The following FHIT variants were observed in gnomAD, a reference collection of about 807,000 sequenced individuals.
FHIT encodes bis(5'-adenosyl)-triphosphatase.
Under a neutral mutation model 17.9 loss-of-function variants are expected in FHIT, and 19 were observed. The ratio of observed to expected loss-of-function variants is 1.06; its 90% confidence interval spans 0.74 to 1.56. The LOEUF (loss-of-function observed/expected upper bound fraction) is 1.56. Among genes scored for constraint, FHIT ranks in the 40% most tolerant of loss-of-function variants. The probability of loss-of-function intolerance (pLI) is 0.00; values close to 1 mark genes in which losing one functional copy is unlikely to be tolerated. For missense variants in FHIT, 248 were observed against 189.2 expected, an observed-to-expected ratio of 1.31 and a Z score of -1.82; for synonymous variants, 81 against 69.7, an observed-to-expected ratio of 1.16 and a Z score of -0.81.
At chr3:60,591,420 A>G (rs1302889298) in intron 4 of FHIT, among the ~76,000 whole-genome samples, 1 of 152,074 alleles carries the variant, frequency 6.6e-6, no homozygotes, top group African/African-American at 2.4e-5. Flanking sequence ...CTTGGTGTTT[A>G]CATTATTTGA....
chr3:60,171,361 G>T (rs771910950), intron 5 of FHIT, among the ~76,000 whole-genome samples: 59 of 152,092 alleles, frequency 3.9e-4, no homozygotes, highest in Non-Finnish European at 6.6e-4. Context: ...ATGTGTACTT[G>T]GAGCCTTTGG....
intron 5 of FHIT, among the ~76,000 whole-genome samples, chr3:60,301,825 T>C (rs1708469047): frequency 6.6e-6 from 1 of 152,156 alleles, no homozygotes; most frequent in Admixed American, 6.6e-5. Context: ...AGATTACTCT[T>C]ATTTTTCTGT....
intron 2 of FHIT, among the ~76,000 whole-genome samples, chr3:61,111,100 G>C (rs1392242572): frequency 2.0e-5 from 3 of 152,144 alleles, no homozygotes; most frequent in Admixed American, 2.0e-4. Flanking sequence ...TACATTCTAA[G>C]ATTTAGCATG....
At chr3:61,237,107 T>G (rs547225245) in intron 1 of FHIT, among the ~76,000 whole-genome samples, 1 of 152,344 alleles carries the variant, frequency 6.6e-6, no homozygotes, top group East Asian at 1.9e-4. Flanking sequence ...TCTGATTAAA[T>G]GTACATCCAT....
At chr3:60,101,767 G>A (rs750732117) in intron 5 of FHIT, among the ~76,000 whole-genome samples, 3 of 152,114 alleles carry the variant, frequency 2.0e-5, no homozygotes, top group Non-Finnish European at 4.4e-5. Flanking sequence ...CACATTCCAA[G>A]GTCTGTCATT....
chr3:60,515,047 G>A (rs1360709372), intron 5 of FHIT, among the ~76,000 whole-genome samples: 1 of 151,984 alleles, frequency 6.6e-6, no homozygotes, highest in African/African-American at 2.4e-5. Context: ...GACAGACAAG[G>A]TGAGGCAGGC....
Position 60,090,219 on chromosome 3 carries a change from A to G in FHIT, c.104-76067T>C, listed in dbSNP as rs77820433. On this transcript the variant is annotated intron_variant, in intron 5 of 9. Coordinates refer to ENST00000492590, the MANE Select transcript of FHIT (RefSeq NM_002012.4). Reference sequence around the variant, plus strand: ...AACTTAACCTCTCACTAAGTGCCCAACCAAAGAGACTGCATGGTTTCCCAG... The same window carrying G: ...AACTTAACCTCTCACTAAGTGCCCAGCCAAAGAGACTGCATGGTTTCCCAG... Among the ~76,000 whole-genome samples, 1,562 of 152,178 alleles carry G rather than the reference A, an allele frequency of 0.01. 52 individuals are homozygous for G. In the East Asian group the frequency reaches 0.11, roughly 11 times the overall value.
chr3:60,059,977 AGTT>A (rs1039003308), intron 5 of FHIT, among the ~76,000 whole-genome samples: 10 of 152,282 alleles, frequency 6.6e-5, no homozygotes, highest in South Asian at 4.1e-4. Context: ...GTGCTCCATG[AGTT>A]GTTGTTTTTT....
chr3:61,175,111 T>C (rs1191394387), intron 2 of FHIT, among the ~76,000 whole-genome samples: 2 of 152,172 alleles, frequency 1.3e-5, no homozygotes, highest in African/African-American at 2.4e-5. Flanking sequence ...CATGCTCTTA[T>C]TGTGGCAGAA....
At chr3:61,043,646 G>A (rs768407011) in intron 2 of FHIT, among the ~76,000 whole-genome samples, 5 of 152,188 alleles carry the variant, frequency 3.3e-5, no homozygotes, top group Non-Finnish European at 7.3e-5. Context: ...TCCCACCATG[G>A]AGTTTGACAT....
intron 7 of FHIT, among the ~76,000 whole-genome samples, chr3:59,989,582 G>A (rs971946005): frequency 4.6e-5 from 7 of 152,014 alleles, no homozygotes; most frequent in Non-Finnish European, 7.4e-5. Flanking sequence ...TATAAAGAAC[G>A]TTCTATTTTG....
At chr3:60,074,867 G>C (rs1398478395) in intron 5 of FHIT, among the ~76,000 whole-genome samples, 1 of 152,012 alleles carries the variant, frequency 6.6e-6, no homozygotes, top group Admixed American at 6.6e-5. Flanking sequence ...GTGTACATTT[G>C]CACTAGTTGG....
intron 5 of FHIT, among the ~76,000 whole-genome samples, chr3:60,093,894 C>T (rs1169773044): frequency 6.6e-6 from 1 of 152,150 alleles, no homozygotes; most frequent in Non-Finnish European, 1.5e-5. Flanking sequence ...TTGCCTACTA[C>T]AGGCATCAAT....
At chr3:60,460,690 T>C (rs2032406394) in intron 5 of FHIT, among the ~76,000 whole-genome samples, 1 of 152,192 alleles carries the variant, frequency 6.6e-6, no homozygotes, top group African/African-American at 2.4e-5. Flanking sequence ...TCACCCCACA[T>C]GTGCTGTGAT....
chr3:60,626,581 TTA>T (rs1399980378), intron 4 of FHIT, among the ~76,000 whole-genome samples: 8 of 152,106 alleles, frequency 5.3e-5, no homozygotes, highest in Non-Finnish European at 1.0e-4. Flanking sequence ...CTCAACTTGT[TTA>T]TTTCTGATAG....
chr3:61,062,322 C>T (rs537104857), intron 2 of FHIT, among the ~76,000 whole-genome samples: 1 of 152,130 alleles, frequency 6.6e-6, no homozygotes, highest in East Asian at 1.9e-4. Flanking sequence ...CCCTAAGAGT[C>T]CCTTAACCTA....
At chr3:59,929,340 A>G (rs1705837521) in intron 7 of FHIT, among the ~76,000 whole-genome samples, 1 of 149,786 alleles carries the variant, frequency 6.7e-6, no homozygotes, top group South Asian at 2.1e-4. Flanking sequence ...AAGACTCAGA[A>G]ATCTTCACGT....
chr3:60,091,305 T>C (rs941782469), intron 5 of FHIT, among the ~76,000 whole-genome samples: 1 of 152,192 alleles, frequency 6.6e-6, no homozygotes, highest in Non-Finnish European at 1.5e-5. Flanking sequence ...GAAGAAGATT[T>C]ATAAAGAGGA....
At chr3:59,857,376 A>T (rs1702202169) in intron 8 of FHIT, among the ~76,000 whole-genome samples, 1 of 151,916 alleles carries the variant, frequency 6.6e-6, no homozygotes, top group South Asian at 2.1e-4. Context: ...TTTTTTTTAA[A>T]CATTCTGGCC....
Sources: gnomAD v4.1 joint callset for allele counts (sites outside exome capture counted in the v4.1 genomes callset) on GRCh38, gnomAD v4.1.1 for gene constraint, MANE v1.5 for transcripts, NCBI Gene and HGNC (gene_info 2026-07-23, HGNC 2026-07-21) for gene names.